FBXO39: variants seen among roughly 807,000 people sequenced by gnomAD.
The protein encoded by FBXO39 is F-box only protein 39.
FBXO39 carries 22 observed loss-of-function variants against 36.6 expected under a neutral mutation model. That is an observed-to-expected ratio of 0.60 (90% CI 0.43 to 0.86). The LOEUF is 0.86. FBXO39 is among the 40% of genes least tolerant of loss of function. The pLI is 0.00. For missense variants in FBXO39, 536 were observed against 543.9 expected (o/e 0.99, Z 0.14); for synonymous variants, 206 against 205.8 (o/e 1.00, Z -0.01).
chr17:6,778,084 A>C (rs1262916101), intron 1 of FBXO39, among the ~76,000 whole-genome samples: 3 of 152,178 alleles, frequency 2.0e-5, no homozygotes, highest in Non-Finnish European at 2.9e-5. Context: ...GGGGTCCATC[A>C]AAGGAAAGAG....
At chr17:6,780,976 G>A (rs1407989059) in intron 2 of FBXO39, 85 bp downstream of exon 2, 2 of 1,379,846 alleles carry the variant, frequency 1.4e-6, no homozygotes, top group Admixed American at 4.3e-5. Context: ...TCTTGGCTAG[G>A]CTCCCAAATG....
At chr17:6,785,048 A>C (rs567250028) in intron 2 of FBXO39, among the ~76,000 whole-genome samples, 101 of 151,934 alleles carry the variant, frequency 6.6e-4, no homozygotes, top group Non-Finnish European at 1.1e-3. Flanking sequence ...CCTGACTTCA[A>C]ATTATATTAC....
Position 6,787,539 on chromosome 17 carries a change from C to T in FBXO39, c.*111C>T. On this transcript the variant is annotated 3_prime_UTR_variant, in exon 4 of 4. Transcript: ENST00000321535. ...CTTTTGCTCCTCTCTCTCCCCTCCA[C>T]TTTTTTTTTTTGTCAGCTCCATGAC... The T allele has an allele frequency of 2.8e-6, 3 of 1,064,332 alleles. No individual in the cohort carries two copies. The highest frequency in any genetic ancestry group is 3.0e-5 in the East Asian group (1 of 33,188). 65.9% of individuals were successfully genotyped at this position (1,064,332 alleles called of 1,614,324 possible). A position where few individuals can be genotyped will look rare whatever the true frequency, so the allele number is the denominator to read the frequency against.
chr17:6,784,533 A>AAAAAC (rs374413188), intron 2 of FBXO39, among the ~76,000 whole-genome samples: 5,548 of 133,786 alleles, frequency 0.041, 136 homozygotes, highest in South Asian at 0.058. Context: ...AAACAAAAAC[A>AAAAAC]AAAAAAACTA....
At chr17:6,777,430 G>A (rs1380053235) in intron 1 of FBXO39, among the ~76,000 whole-genome samples, 1 of 152,144 alleles carries the variant, frequency 6.6e-6, no homozygotes, top group Non-Finnish European at 1.5e-5. Context: ...CCCTGCAAAG[G>A]ACATGAACTC....
chr17:6,783,832 TTAC>T (rs1287527228), intron 2 of FBXO39, among the ~76,000 whole-genome samples: 3 of 151,900 alleles, frequency 2.0e-5, no homozygotes, highest in Non-Finnish European at 4.4e-5. Context: ...TATCAAACAT[TTAC>T]AGAAGAACTA....
intron 2 of FBXO39, among the ~76,000 whole-genome samples, chr17:6,782,435 C>T (rs750158529): frequency 2.0e-5 from 3 of 152,094 alleles, no homozygotes; most frequent in Non-Finnish European, 4.4e-5. Context: ...TTAGTAATAA[C>T]ATTGAATACA....
At chr17:6,785,319 C>A (rs997716087) in intron 2 of FBXO39, among the ~76,000 whole-genome samples, 1 of 152,116 alleles carries the variant, frequency 6.6e-6, no homozygotes, top group African/African-American at 2.4e-5. Flanking sequence ...AGACCACTAT[C>A]TCTTGCCATA....
chr17:6,777,623 C>T (rs1976448752), intron 1 of FBXO39, among the ~76,000 whole-genome samples: 1 of 151,982 alleles, frequency 6.6e-6, no homozygotes, highest in South Asian at 2.1e-4. Flanking sequence ...TGTGGAGATC[C>T]CTAGCCTTGG....
intron 2 of FBXO39, among the ~76,000 whole-genome samples, chr17:6,786,133 G>C (rs745319061): frequency 1.4e-4 from 22 of 152,126 alleles, no homozygotes; most frequent in Non-Finnish European, 2.9e-4. Context: ...AGAAAATGTG[G>C]TACATGTACA....
In FBXO39 at chr17:6,780,399, G is replaced by T; in HGVS notation, c.531G>T (p.Glu177Asp). Residue 177 changes from glutamate to aspartate, a missense_variant, in exon 2 of 4, where the codon GAG becomes GAT. Coordinates refer to ENST00000321535, the MANE Select transcript of FBXO39 (RefSeq NM_153230.3). ...LNLKGARLTVEQGCQILDSLS... is the reference protein window; with the variant it reads ...LNLKGARLTVDQGCQILDSLS... Reference sequence around the variant, plus strand: ...TAAAAGGGGCCAGGCTGACCGTGGAGCAAGGCTGCCAAATTCTCGACTCCC... The same window carrying T: ...TAAAAGGGGCCAGGCTGACCGTGGATCAAGGCTGCCAAATTCTCGACTCCC... The T allele has an allele frequency of 6.2e-7, 1 of 1,614,112 alleles. No individual in the cohort carries two copies. Among genetic ancestry groups the T allele is most frequent in the Non-Finnish European group, 8.5e-7 (1 of 1,179,972 alleles).
chr17:6,787,073 A>T, intron 3 of FBXO39, 117 bp downstream of exon 3: 1 of 1,376,310 alleles, frequency 7.3e-7, no homozygotes, highest in Non-Finnish European at 9.9e-7. Context: ...GTTCATTGAA[A>T]ATCAGCAGTT....
intron 2 of FBXO39, among the ~76,000 whole-genome samples, chr17:6,785,006 C>T (rs1184393073): frequency 6.7e-6 from 1 of 149,844 alleles, no homozygotes; most frequent in Non-Finnish European, 1.5e-5. Context: ...GCTGTCCTGA[C>T]CAAAAAGAAC....
rs759704081 is a variant in FBXO39, at chr17:6,779,829, C to T, written c.-40C>T. ...TTTCCTTTCCTCATTTTTGGAAGCC[C>T]TGCCTAACACACAGCTGCACTGTAC... is the stretch of plus-strand genomic sequence containing the variant. On this transcript the variant is annotated 5_prime_UTR_variant, in exon 2 of 4. Transcript: ENST00000321535. 6.4e-7 allele frequency: 1 copy of T among 1,573,046 alleles called. No homozygotes were observed. The highest frequency in any genetic ancestry group is 1.2e-5 in the South Asian group (1 of 86,080).
intron 2 of FBXO39, among the ~76,000 whole-genome samples, chr17:6,781,583 C>G (rs894254263): frequency 6.6e-6 from 1 of 152,084 alleles, no homozygotes; most frequent in Non-Finnish European, 1.5e-5. Context: ...AGGTGGGGTA[C>G]GGCAGACATC....
At chr17:6,781,455 T>G (rs550607079) in intron 2 of FBXO39, among the ~76,000 whole-genome samples, 3 of 152,334 alleles carry the variant, frequency 2.0e-5, no homozygotes, top group Admixed American at 1.3e-4. Flanking sequence ...AGGATCATTT[T>G]GTCTTTCCAA....
intron 1 of FBXO39, among the ~76,000 whole-genome samples, chr17:6,779,419 A>T (rs1976475149): frequency 6.6e-6 from 1 of 152,136 alleles, no homozygotes; most frequent in Non-Finnish European, 1.5e-5. Flanking sequence ...CACTAGGCCC[A>T]CCTGATCTGC....
rs1395513019 is a variant in FBXO39 at position 6,786,810 on chromosome 17, G to T, written c.1054G>T (p.Glu352Ter). 3 of 1,612,018 alleles carry T rather than the reference G, an allele frequency of 1.9e-6. No individual in the cohort carries two copies. The highest frequency in any genetic ancestry group is 3.4e-5 in the Admixed American group (2 of 59,484). The stretch of plus-strand genomic sequence containing the variant: ...AACTTGTGAATTCAACAACAACCAT[G>T]AGTCACTCGACGAGGAGCTGCACCT... ...KLTCEFNNNHESLDEELHLLI... is the reference protein window; with the variant it reads ...KLTCEFNNNH Residue 352 changes from glutamate (E) to a stop codon, truncating the protein, a stop_gained, in exon 3 of 4, where the codon GAG becomes TAG. Transcript: ENST00000321535. LOFTEE classifies it high-confidence loss of function.
At chr17:6,787,088 A>G in intron 3 of FBXO39, 132 bp downstream of exon 3, 1 of 1,330,776 alleles carries the variant, frequency 7.5e-7, no homozygotes, top group Non-Finnish European at 1.0e-6. Context: ...GCAGTTTCAA[A>G]GAAGGGAATC....
Sources: allele counts gnomAD v4.1 joint callset (sites outside exome capture counted in the v4.1 genomes callset), GRCh38; gene constraint gnomAD v4.1.1; transcripts MANE v1.5; gene names NCBI Gene and HGNC (gene_info 2026-07-23, HGNC 2026-07-21).